The following PTPRN2 variants were observed in gnomAD, a reference collection of about 807,000 sequenced individuals.
PTPRN2 encodes the protein protein tyrosine phosphatase receptor type N2.
A neutral mutation model predicts 118.8 loss-of-function variants in PTPRN2; 74 were observed. The observed-to-expected ratio is 0.62, with a 90% CI of 0.52 to 0.76. The LOEUF (loss-of-function observed/expected upper bound fraction) is 0.76. PTPRN2 is among the 30% of genes least tolerant of loss of function. The pLI is 0.00. For synonymous variants in PTPRN2, 641 were observed against 608.0 expected (o/e 1.05, Z -0.80); for missense variants, 1,481 against 1,394.4 (o/e 1.06, Z -0.99).
intron 9 of PTPRN2, among the ~76,000 whole-genome samples, chr7:158,131,830 A>G (rs927020930): frequency 1.1e-4 from 17 of 150,696 alleles, no homozygotes; most frequent in Non-Finnish European, 1.8e-4. Flanking sequence ...AAATACACAC[A>G]TCTACCCAAC....
intron 12 of PTPRN2, among the ~76,000 whole-genome samples, chr7:157,734,478 C>T (rs984573159): frequency 2.0e-5 from 3 of 152,218 alleles, no homozygotes; most frequent in Admixed American, 6.5e-5. Context: ...TATAATGAGT[C>T]TACCTTTAAG....
intron 12 of PTPRN2, among the ~76,000 whole-genome samples, chr7:157,839,603 T>A (rs1014732937): frequency 6.6e-6 from 1 of 150,880 alleles, no homozygotes; most frequent in African/African-American, 2.4e-5. Flanking sequence ...CTATGTGGAG[T>A]GCAAGGGCCT....
chr7:158,238,094 G>A (rs1480726008), intron 3 of PTPRN2, among the ~76,000 whole-genome samples: 3 of 152,126 alleles, frequency 2.0e-5, no homozygotes, highest in Non-Finnish European at 4.4e-5. Context: ...TGCTGGGAAC[G>A]TCCGCCCCGT....
rs374605697 is a variant in PTPRN2 at position 157,838,384 on chromosome 7, G to A, written c.1788+60289C>T. On this transcript the variant is annotated intron_variant, in intron 12 of 22. Transcript: ENST00000389418. The stretch of plus-strand genomic sequence containing the variant: ...GCATGGGAGAAAGCTGCTCTCTGCC[G>A]TGGCTACTCCAGTTCCTCTCATAGT... 4.9e-4 allele frequency among the ~76,000 whole-genome samples: 70 copies of A among 144,146 alleles called. No homozygotes were observed. In the South Asian group the frequency reaches 5.3e-3, roughly 11 times the overall value. The allele number at this position is 144,146 out of a possible 152,430, so 94.6% of individuals were successfully genotyped here. A position where few individuals can be genotyped will look rare whatever the true frequency, so the allele number is the denominator to read the frequency against.
At chr7:158,265,235 T>C (rs1000163522) in intron 3 of PTPRN2, among the ~76,000 whole-genome samples, 3 of 152,134 alleles carry the variant, frequency 2.0e-5, no homozygotes, top group African/African-American at 7.2e-5. Context: ...ACTATGCTCC[T>C]GGTGCTGGAA....
At chr7:158,243,257 C>G (rs1420744519) in intron 3 of PTPRN2, among the ~76,000 whole-genome samples, 1 of 152,218 alleles carries the variant, frequency 6.6e-6, no homozygotes, top group African/African-American at 2.4e-5. Flanking sequence ...ATACCAGACT[C>G]AGAGCTGAAA....
Position 158,432,924 on chromosome 7 carries a change from C to G in PTPRN2, c.163+56811G>C, listed in dbSNP as rs1441933209. 2.6e-5 allele frequency among the ~76,000 whole-genome samples: 4 copies of G among 152,242 alleles called. No individual in the cohort carries two copies. In the South Asian group the frequency reaches 6.2e-4, roughly 24 times the overall value. The stretch of plus-strand genomic sequence containing the variant: ...GACAAATGTTTACAGAACAAACACT[C>G]CCACCCAGACATAGATTCATAACCC... On this transcript the variant is annotated intron_variant, in intron 2 of 22. Coordinates refer to ENST00000389418, the MANE Select transcript of PTPRN2 (RefSeq NM_002847.5).
rs551750009 is a variant in PTPRN2 at position 157,771,021 on chromosome 7, C to T, written c.1789-88084G>A. Among the ~76,000 whole-genome samples, 6 of 152,364 alleles carry T rather than the reference C, an allele frequency of 3.9e-5. No homozygotes were observed. In the South Asian group the frequency reaches 8.3e-4, roughly 21 times the overall value. ...AGTTTCTGGCTTCTGGGCTCAGACT[C>T]GAGAGACTGGCAGCTCCCATTTCCT... is the stretch of plus-strand genomic sequence containing the variant. On this transcript the variant is annotated intron_variant, in intron 12 of 22. Coordinates refer to ENST00000389418, the MANE Select transcript of PTPRN2 (RefSeq NM_002847.5).
At chr7:158,304,609 C>CATGCT (rs1801145490) in intron 3 of PTPRN2, among the ~76,000 whole-genome samples, 1 of 150,762 alleles carries the variant, frequency 6.6e-6, no homozygotes, top group African/African-American at 2.5e-5. Context: ...AGGCTTGGTC[C>CATGCT]AGAAAGATGG....
chr7:157,719,083 T>C (rs896794659), intron 12 of PTPRN2, among the ~76,000 whole-genome samples: 6 of 152,224 alleles, frequency 3.9e-5, no homozygotes, highest in South Asian at 2.1e-4. Flanking sequence ...ATGGCCCCTG[T>C]CCTCCAACAC....
intron 11 of PTPRN2, among the ~76,000 whole-genome samples, chr7:157,904,339 G>C (rs1036227418): frequency 6.6e-6 from 1 of 152,166 alleles, no homozygotes; most frequent in Non-Finnish European, 1.5e-5. Context: ...GGCTCCGCAG[G>C]CCGCTTCTCA....
At chr7:158,332,719 A>C (rs1474294683) in intron 2 of PTPRN2, among the ~76,000 whole-genome samples, 20 of 151,032 alleles carry the variant, frequency 1.3e-4, no homozygotes, top group African/African-American at 4.2e-4. Flanking sequence ...GATGTCACTT[A>C]CACCCACACT....
intron 3 of PTPRN2, among the ~76,000 whole-genome samples, chr7:158,298,058 T>A (rs1017115036): frequency 1.3e-5 from 2 of 152,248 alleles, no homozygotes; most frequent in African/African-American, 4.8e-5. Flanking sequence ...GAATTCAATT[T>A]ACCTATGGTG....
At chr7:157,769,662 C>T (rs1259862335) in intron 12 of PTPRN2, among the ~76,000 whole-genome samples, 1 of 152,196 alleles carries the variant, frequency 6.6e-6, no homozygotes, top group South Asian at 2.1e-4. Flanking sequence ...CACACATCTT[C>T]ACCAGGATTT....
At chr7:157,915,981 T>C (rs1284636499) in intron 11 of PTPRN2, among the ~76,000 whole-genome samples, 1 of 152,238 alleles carries the variant, frequency 6.6e-6, no homozygotes, top group Non-Finnish European at 1.5e-5. Flanking sequence ...GTAAAACTCA[T>C]TTTAATTCAG....
At chr7:158,564,822 C>T (rs1316602095) in intron 1 of PTPRN2, among the ~76,000 whole-genome samples, 2 of 152,272 alleles carry the variant, frequency 1.3e-5, no homozygotes, top group Admixed American at 6.5e-5. Flanking sequence ...GGAAATGGCT[C>T]TGTGGCCCAT....
chr7:157,901,089 G>A (rs941050218), intron 11 of PTPRN2, among the ~76,000 whole-genome samples: 5 of 152,236 alleles, frequency 3.3e-5, no homozygotes, highest in Non-Finnish European at 7.3e-5. Context: ...AGTGTGCAGA[G>A]CTCACATGGG....
intron 10 of PTPRN2, among the ~76,000 whole-genome samples, chr7:158,085,666 C>T (rs554695321): frequency 6.2e-4 from 86 of 138,168 alleles, no homozygotes; most frequent in Admixed American, 1.6e-3. Context: ...ACACCCACGA[C>T]GCCCATCCAC....
At chr7:158,020,898 C>T (rs1806826620) in intron 11 of PTPRN2, among the ~76,000 whole-genome samples, 1 of 152,166 alleles carries the variant, frequency 6.6e-6, no homozygotes, top group Non-Finnish European at 1.5e-5. Flanking sequence ...GCCGTCCTCA[C>T]TCAGGCTCCC....
Sources: allele counts gnomAD v4.1 joint callset (sites outside exome capture counted in the v4.1 genomes callset), GRCh38; gene constraint gnomAD v4.1.1; transcripts MANE v1.5; gene names NCBI Gene and HGNC (gene_info 2026-07-23, HGNC 2026-07-21).